Variants in SLC14A2 observed in about 807,000 individuals in gnomAD.
SLC14A2 encodes solute carrier family 14 member 2.
A neutral mutation model predicts 104.6 loss-of-function variants in SLC14A2; 91 were observed. The ratio of observed to expected loss-of-function variants is 0.87; its 90% CI spans 0.73 to 1.04. SLC14A2 has a LOEUF of 1.04. Ranked by LOEUF, SLC14A2 falls within the 50% of genes least tolerant of loss-of-function variation. The pLI is 0.00. For synonymous variants in SLC14A2, 476 were observed against 466.4 expected (o/e 1.02, Z -0.27); for missense variants, 1,189 against 1,156.0 (o/e 1.03, Z -0.41).
chr18:45,372,762 TG>T (rs1170268663), intron 1 of SLC14A2, among the ~76,000 whole-genome samples: 1 of 152,194 alleles, frequency 6.6e-6, no homozygotes, highest in Non-Finnish European at 1.5e-5. Flanking sequence ...AGGAATATAA[TG>T]CAAGCCATGG....
chr18:45,609,367 CATT>C (rs34294690), intron 2 of SLC14A2, among the ~76,000 whole-genome samples: 77,914 of 151,630 alleles, frequency 0.51, 20,291 homozygotes, highest in East Asian at 0.69. Flanking sequence ...ATCATAACTA[CATT>C]ATTTCCCTTC....
chr18:45,621,006 G>A (rs1410844444), intron 1 of SLC14A2, among the ~76,000 whole-genome samples: 1 of 152,158 alleles, frequency 6.6e-6, no homozygotes, highest in African/African-American at 2.4e-5. Flanking sequence ...TTTAACACAA[G>A]GCCTTTCCGG....
intron 1 of SLC14A2, among the ~76,000 whole-genome samples, chr18:45,214,709 T>A (rs889305925): frequency 1.3e-5 from 2 of 152,094 alleles, no homozygotes; most frequent in Non-Finnish European, 2.9e-5. Flanking sequence ...TGCATGTTTG[T>A]TAAATGATGA....
the SLC14A2 span, among the ~76,000 whole-genome samples, chr18:45,172,593 A>C: frequency 2.0e-5 from 3 of 152,120 alleles, no homozygotes; most frequent in Non-Finnish European, 4.4e-5. Context: ...TTGCCTCATT[A>C]AAAGCTATAG....
intron 2 of SLC14A2, among the ~76,000 whole-genome samples, chr18:45,596,521 A>T (rs1320151627): frequency 6.6e-6 from 1 of 152,212 alleles, no homozygotes; most frequent in Non-Finnish European, 1.5e-5. Context: ...TTACAAAGTG[A>T]GGTCTGTAGG....
intron 1 of SLC14A2, among the ~76,000 whole-genome samples, chr18:45,362,923 A>G (rs1012052357): frequency 6.6e-5 from 10 of 152,020 alleles, no homozygotes; most frequent in African/African-American, 2.4e-4. Flanking sequence ...TGCTAGGGAC[A>G]GATCTGCCAT....
chr18:45,311,906 G>C (rs974967434), intron 1 of SLC14A2, among the ~76,000 whole-genome samples: 8 of 152,224 alleles, frequency 5.3e-5, no homozygotes, highest in African/African-American at 1.4e-4. Flanking sequence ...TGAGAGCTGT[G>C]TCAGAATGGG....
chr18:45,628,736 G>C (rs1478624593), intron 4 of SLC14A2, among the ~76,000 whole-genome samples: 2 of 152,172 alleles, frequency 1.3e-5, no homozygotes, highest in Non-Finnish European at 2.9e-5. Context: ...TATGGTAATG[G>C]TAAGTATTAT....
At chr18:45,282,524 C>T (rs1465302450) in intron 1 of SLC14A2, among the ~76,000 whole-genome samples, 1 of 152,120 alleles carries the variant, frequency 6.6e-6, no homozygotes, top group Non-Finnish European at 1.5e-5. Context: ...CAAAGGTCTG[C>T]CTTCAAAGAA....
chr18:45,567,205 G>T (rs900419118), intron 2 of SLC14A2, among the ~76,000 whole-genome samples: 5 of 152,014 alleles, frequency 3.3e-5, no homozygotes, highest in African/African-American at 1.2e-4. Context: ...AGACCCACTT[G>T]CTCCTGTAGG....
chr18:45,194,166 C>G, the SLC14A2 span, among the ~76,000 whole-genome samples: 2 of 152,258 alleles, frequency 1.3e-5, no homozygotes, highest in Non-Finnish European at 2.9e-5. Flanking sequence ...TCCATTATTT[C>G]TTTCCTATAT....
At chr18:45,362,173 G>A (rs190103739) in intron 1 of SLC14A2, among the ~76,000 whole-genome samples, 1 of 152,216 alleles carries the variant, frequency 6.6e-6, no homozygotes, top group African/African-American at 2.4e-5. Context: ...GAAGGTACTT[G>A]TTTCTCCTTC....
intron 1 of SLC14A2, among the ~76,000 whole-genome samples, chr18:45,368,402 C>A (rs1255158781): frequency 6.6e-6 from 1 of 152,120 alleles, no homozygotes; most frequent in African/African-American, 2.4e-5. Context: ...AAACTCTGGT[C>A]CCTTAGATCC....
At chr18:45,460,792 AG>A (rs1192428045) in intron 1 of SLC14A2, among the ~76,000 whole-genome samples, 1 of 152,128 alleles carries the variant, frequency 6.6e-6, no homozygotes, top group Non-Finnish European at 1.5e-5. Context: ...ATTCACCCTA[AG>A]AAGCACTTAA....
At chr18:45,378,865 C>G (rs2085803456) in intron 1 of SLC14A2, among the ~76,000 whole-genome samples, 1 of 152,130 alleles carries the variant, frequency 6.6e-6, no homozygotes, top group Non-Finnish European at 1.5e-5. Context: ...CCCGTCTCAG[C>G]CTCCCGAAGT....
intron 1 of SLC14A2, among the ~76,000 whole-genome samples, chr18:45,432,780 G>C (rs550864401): frequency 6.6e-6 from 1 of 152,260 alleles, no homozygotes; most frequent in South Asian, 2.1e-4. Flanking sequence ...CCTAAGATAG[G>C]ATTTGATGGC....
At chr18:45,230,835 G>C in intron 1 of SLC14A2, among the ~76,000 whole-genome samples, 1 of 152,188 alleles carries the variant, frequency 6.6e-6, no homozygotes, top group South Asian at 2.1e-4. Context: ...CAAAGAGCTG[G>C]TTGTTGTCTT....
At chr18:45,577,567 G>A (rs889174246) in intron 2 of SLC14A2, among the ~76,000 whole-genome samples, 1 of 152,098 alleles carries the variant, frequency 6.6e-6, no homozygotes, top group Non-Finnish European at 1.5e-5. Flanking sequence ...GAACCCAGAA[G>A]CCTTTGACTC....
At chr18:45,283,020 A>G (rs181115186) in intron 1 of SLC14A2, among the ~76,000 whole-genome samples, 200 of 152,324 alleles carry the variant, frequency 1.3e-3, no homozygotes, top group African/African-American at 4.4e-3. Flanking sequence ...GACACATGAC[A>G]TGGTCACAGC....
Sources: allele counts gnomAD v4.1 joint callset (sites outside exome capture counted in the v4.1 genomes callset), GRCh38; gene constraint gnomAD v4.1.1; transcripts MANE v1.5; gene names NCBI Gene and HGNC (gene_info 2026-07-23, HGNC 2026-07-21).